Variants in IQCM observed in about 807,000 individuals in gnomAD.
The protein encoded by IQCM is IQ domain-containing protein M.
In IQCM, 45 loss-of-function variants were observed where a neutral mutation model predicts 57.6. The observed-to-expected ratio is 0.78, with a 90% CI of 0.62 to 1.00. IQCM has a LOEUF of 1.00. IQCM is among the 50% of genes least tolerant of loss of function. The pLI, the probability that IQCM is intolerant of heterozygous loss-of-function variation, is 0.00. For synonymous variants in IQCM, 148 were observed against 158.9 expected (o/e 0.93, Z 0.51); for missense variants, 468 against 511.6 (o/e 0.91, Z 0.82).
At chr4:149,501,433 C>A (rs759887617) in intron 12 of IQCM, among the ~76,000 whole-genome samples, 7 of 152,022 alleles carry the variant, frequency 4.6e-5, no homozygotes, top group Non-Finnish European at 8.8e-5. Context: ...TAAGAAACTC[C>A]TGTTAGAAAT....
At chr4:149,416,930 G>A (rs1333741476) in intron 13 of IQCM, among the ~76,000 whole-genome samples, 2 of 152,062 alleles carry the variant, frequency 1.3e-5, no homozygotes, top group African/African-American at 4.8e-5. Context: ...TGGATAATGA[G>A]GTTCACTGCT....
chr4:149,357,988 C>T (rs759079127), intron 13 of IQCM, among the ~76,000 whole-genome samples: 4 of 152,064 alleles, frequency 2.6e-5, no homozygotes, highest in African/African-American at 4.8e-5. Flanking sequence ...GTGTATGTGT[C>T]GAGGAATTTA....
In IQCM at chr4:149,486,017, G is replaced by GTCTCTCTCTCTCTC. The variant is rs71596213; in HGVS notation, c.1229-52474_1229-52461dup. Among the ~76,000 whole-genome samples the GTCTCTCTCTCTCTC allele has an allele frequency of 6.6e-3, 801 of 121,568 alleles. 14 individuals carry two copies. The highest frequency in any genetic ancestry group is 0.018 in the East Asian group (73 of 3,954). 79.8% of individuals were successfully genotyped at this position (121,568 alleles called of 152,430 possible). A position where few individuals can be genotyped will look rare whatever the true frequency, so the allele number is the denominator to read the frequency against. Reference sequence around the variant, plus strand: ...CCTTACTTTCTCCCAAGCAAACAGAGTCTCTCTCTCTCTCTCTCTCTCTCT... The same window carrying GTCTCTCTCTCTCTC: ...CCTTACTTTCTCCCAAGCAAACAGAGTCTCTCTCTCTCTCTCTCTCTCTCTCTCTCTCTCTCTCT... On this transcript the variant is annotated intron_variant, in intron 12 of 13. Transcript: ENST00000636793.
At chr4:149,441,280 A>G (rs1735915380) in intron 12 of IQCM, among the ~76,000 whole-genome samples, 1 of 152,206 alleles carries the variant, frequency 6.6e-6, no homozygotes, top group South Asian at 2.1e-4. Flanking sequence ...AGCCCTGGGT[A>G]TAATCCATCT....
rs183364283 is a variant in IQCM, at chr4:149,516,411, A to G, written c.1228+32044T>C. Among the ~76,000 whole-genome samples the G allele has an allele frequency of 1.5e-3, 225 of 152,278 alleles. 1 individual carries two copies. Among genetic ancestry groups the G allele is most frequent in the African/African-American group, 5.2e-3 (218 of 41,564 alleles). On this transcript the variant is annotated intron_variant, in intron 12 of 13. Transcript: ENST00000636793. ...TGACCAAGGCACTCACTTTACAGCT[A>G]AAGAAGTGTGGCAGTGGGCTCATGC...
chr4:149,550,972 G>A (rs1011170396), intron 11 of IQCM, among the ~76,000 whole-genome samples: 2 of 152,116 alleles, frequency 1.3e-5, no homozygotes, highest in African/African-American at 4.8e-5. Flanking sequence ...CCACATGTTA[G>A]CCTATTCTCA....
intron 2 of IQCM, among the ~76,000 whole-genome samples, chr4:149,800,705 C>A (rs1469447749): frequency 6.6e-6 from 1 of 151,660 alleles, no homozygotes; most frequent in Non-Finnish European, 1.5e-5. Context: ...CAACAGAGAG[C>A]AATATGAAAA....
rs201071093 is a variant in IQCM, at chr4:149,445,760, G to A, written c.1229-12203C>T. Among the ~76,000 whole-genome samples the A allele has an allele frequency of 1.1e-4, 17 of 151,746 alleles. 1 individual carries two copies. In the South Asian group the frequency reaches 1.2e-3, roughly 11 times the overall value. Reference sequence around the variant, plus strand: ...CCCTAAAATTTGGGATCTTGATTCCGATTTTTAAAGGGACGTTTATGTTTC... The same window carrying A: ...CCCTAAAATTTGGGATCTTGATTCCAATTTTTAAAGGGACGTTTATGTTTC... On this transcript the variant is annotated intron_variant, in intron 12 of 13. Coordinates refer to ENST00000636793, the MANE Select transcript of IQCM (RefSeq NM_001363507.2).
rs146971545 is a variant in IQCM at position 149,457,104 on chromosome 4, G to A, written c.1229-23547C>T. ...CTGATTTCAATTTTCTTCTCCTGAG[G>A]CCATACTAAAAAGAATACCAATCAT... On this transcript the variant is annotated intron_variant, in intron 12 of 13. Transcript: ENST00000636793. Among the ~76,000 whole-genome samples, 35 of 151,982 alleles carry A rather than the reference G, an allele frequency of 2.3e-4. No homozygotes were observed. The East Asian group carries it at 6.6e-3, about 29-fold the overall frequency.
At chr4:149,563,658 T>C (rs1464199725) in intron 10 of IQCM, 34 bp downstream of exon 10, 1 of 1,204,070 alleles carries the variant, frequency 8.3e-7, no homozygotes, top group African/African-American at 1.6e-5. Flanking sequence ...ATGAGAAATT[T>C]TAAACACATT....
intron 2 of IQCM, among the ~76,000 whole-genome samples, chr4:149,748,073 C>T (rs995601870): frequency 1.3e-5 from 2 of 152,126 alleles, no homozygotes; most frequent in African/African-American, 4.8e-5. Flanking sequence ...AAAATAGCAG[C>T]TTCAACTTAT....
At chr4:149,513,317 T>G (rs1363374326) in intron 12 of IQCM, among the ~76,000 whole-genome samples, 1 of 152,306 alleles carries the variant, frequency 6.6e-6, no homozygotes, top group East Asian at 1.9e-4. Context: ...AAGTCATCCT[T>G]ATGTTCTTCT....
intron 5 of IQCM, among the ~76,000 whole-genome samples, chr4:149,701,273 C>A (rs1763749011): frequency 6.6e-6 from 1 of 151,904 alleles, no homozygotes; most frequent in South Asian, 2.1e-4. Context: ...ATAATTTTTT[C>A]ATGTGTTGGG....
chr4:149,388,470 C>T (rs892898261), intron 13 of IQCM, among the ~76,000 whole-genome samples: 5 of 145,460 alleles, frequency 3.4e-5, no homozygotes, highest in Non-Finnish European at 6.0e-5. Context: ...TTTTCATATG[C>T]TTATTGGACA....
chr4:149,613,208 GAGAGAAGAAAAAGCGCAA>G (rs904973319), intron 8 of IQCM, among the ~76,000 whole-genome samples: 10 of 151,932 alleles, frequency 6.6e-5, no homozygotes, highest in Non-Finnish European at 1.5e-4. Flanking sequence ...TGTTTTGGAG[GAGAGAAGAAAAAGCGCAA>G]AGAGAAGAAA....
chr4:149,357,219 T>G (rs1729068984), intron 13 of IQCM, among the ~76,000 whole-genome samples: 1 of 152,230 alleles, frequency 6.6e-6, no homozygotes, highest in Admixed American at 6.5e-5. Flanking sequence ...CCTCTTTTCC[T>G]AATTTAATGC....
At chr4:149,529,865 C>T (rs940805230) in intron 12 of IQCM, among the ~76,000 whole-genome samples, 8 of 152,288 alleles carry the variant, frequency 5.3e-5, no homozygotes, top group Middle Eastern at 3.4e-3. Flanking sequence ...ATGAAGTCTC[C>T]ATCATATTTA....
intron 12 of IQCM, among the ~76,000 whole-genome samples, chr4:149,493,450 A>G (rs1316294838): frequency 6.6e-6 from 1 of 152,088 alleles, no homozygotes; most frequent in Non-Finnish European, 1.5e-5. Flanking sequence ...CATATTTATC[A>G]CAAATGTTAA....
rs1730084472 is a variant in IQCM, at chr4:149,368,862, A to ATATG, written c.1391-16797_1391-16796insCATA. ...TATATACATATATATACATGTATAT[A>ATATG]TATACATATATACACGTGTATATAT... On this transcript the variant is annotated intron_variant, in intron 13 of 13. Coordinates refer to ENST00000636793, the MANE Select transcript of IQCM (RefSeq NM_001363507.2). 3.5e-5 allele frequency among the ~76,000 whole-genome samples: 3 copies of ATATG among 85,144 alleles called. 1 individual carries two copies. The highest frequency in any genetic ancestry group is 3.0e-4 in the South Asian group (1 of 3,342). The allele number at this position is 85,144 out of a possible 152,430, so 55.9% of individuals were successfully genotyped here.
Sources: gnomAD v4.1 joint callset for allele counts (sites outside exome capture counted in the v4.1 genomes callset) on GRCh38, gnomAD v4.1.1 for gene constraint, MANE v1.5 for transcripts, NCBI Gene and HGNC (gene_info 2026-07-23, HGNC 2026-07-21) for gene names.